IGF2BP3: variants seen among roughly 807,000 people sequenced by gnomAD.
The protein encoded by IGF2BP3 is insulin like growth factor 2 mRNA binding protein 3.
IGF2BP3 carries 9 observed loss-of-function variants against 73.8 expected under a neutral mutation model. The ratio of observed to expected loss-of-function variants is 0.12; its 90% CI spans 0.07 to 0.21. IGF2BP3 has a LOEUF of 0.21. Among genes scored for constraint, IGF2BP3 ranks in the 10% least tolerant of loss-of-function variants. The probability of loss-of-function intolerance (pLI) is 1.00; values close to 1 mark genes in which losing one functional copy is unlikely to be tolerated. For synonymous variants in IGF2BP3, 258 were observed against 256.7 expected (o/e 1.01, Z -0.05); for missense variants, 542 against 714.0 (o/e 0.76, Z 2.75).
At position 23,321,837 on chromosome 7, in the gene IGF2BP3, C is replaced by T. The variant is rs539360853; in HGVS notation, c.1204-2583G>A. On this transcript the variant is annotated intron_variant, in intron 10 of 14. Coordinates refer to ENST00000258729, the MANE Select transcript of IGF2BP3 (RefSeq NM_006547.3). ...CACTGACACCTCACAGGGCCGGGTA[C>T]TCCAACAGACCTGCAGCTGAGGGTC... 2.3e-3 allele frequency among the ~76,000 whole-genome samples: 355 copies of T among 152,282 alleles called. 1 individual carries two copies. Among genetic ancestry groups the T allele is most frequent in the East Asian group, 0.011 (57 of 5,184 alleles).
chr7:23,328,658 C>A (rs1303911438), intron 10 of IGF2BP3, among the ~76,000 whole-genome samples: 1 of 152,136 alleles, frequency 6.6e-6, no homozygotes, highest in Non-Finnish European at 1.5e-5. Context: ...AATGTGCTAA[C>A]AAATCTGAAA....
chr7:23,411,399 T>C (rs942750943), intron 3 of IGF2BP3, among the ~76,000 whole-genome samples: 1 of 152,118 alleles, frequency 6.6e-6, no homozygotes, highest in Non-Finnish European at 1.5e-5. Flanking sequence ...CTGGTCAACA[T>C]GGTGAAACCC....
intron 3 of IGF2BP3, among the ~76,000 whole-genome samples, chr7:23,380,265 G>A (rs534082939): frequency 1.5e-4 from 22 of 144,870 alleles, no homozygotes; most frequent in African/African-American, 4.8e-4. Flanking sequence ...CCGGGTTCAC[G>A]CCATTCTCCT....
rs748744367 is a variant in IGF2BP3, at chr7:23,313,591, C to T, written c.1458G>A (p.Val486=). ...EENFVSPKEE[V]KLEAHIRVPS... is the part of the protein sequence containing the mutation. ...GCACTCTGATATGAGCTTCAAGTTT[C>T]ACCTCTTCTTTAGGACTAACAAAGT... The change falls in exon 13 of 15, where the codon GTG becomes GTA. Residue 486 remains valine (V), a synonymous_variant. Coordinates refer to ENST00000258729, the MANE Select transcript of IGF2BP3 (RefSeq NM_006547.3). The T allele has an allele frequency of 6.2e-7, 1 of 1,613,928 alleles. No homozygotes were observed. Among genetic ancestry groups the T allele is most frequent in the Non-Finnish European group, 8.5e-7 (1 of 1,180,000 alleles).
chr7:23,345,821 G>T, intron 8 of IGF2BP3, 119 bp downstream of exon 8: 1 of 1,165,058 alleles, frequency 8.6e-7, no homozygotes, highest in South Asian at 1.5e-5. Flanking sequence ...GAAACCATGT[G>T]TAAGTACGGC....
At chr7:23,466,996 C>G (rs1215644470) in intron 2 of IGF2BP3, among the ~76,000 whole-genome samples, 1 of 152,082 alleles carries the variant, frequency 6.6e-6, no homozygotes, top group Non-Finnish European at 1.5e-5. Flanking sequence ...TTTTTCCTAA[C>G]CAATTCAGGC....
At chr7:23,348,780 G>A (rs1478847470) in intron 6 of IGF2BP3, among the ~76,000 whole-genome samples, 1 of 152,182 alleles carries the variant, frequency 6.6e-6, no homozygotes, top group Non-Finnish European at 1.5e-5. Context: ...ATGATCATTT[G>A]TAGTTGAGAA....
intron 2 of IGF2BP3, among the ~76,000 whole-genome samples, chr7:23,442,998 T>C (rs1048157782): frequency 2.6e-5 from 4 of 152,104 alleles, no homozygotes; most frequent in Non-Finnish European, 5.9e-5. Context: ...TATACTGTTA[T>C]TAAACTTATT....
intron 2 of IGF2BP3, among the ~76,000 whole-genome samples, chr7:23,449,006 C>T (rs1056467210): frequency 3.9e-5 from 6 of 152,094 alleles, no homozygotes; most frequent in Non-Finnish European, 7.4e-5. Context: ...GGATTACAAG[C>T]GTGAGACATC....
chr7:23,418,160 C>T (rs1324793117), intron 3 of IGF2BP3, among the ~76,000 whole-genome samples: 3 of 152,108 alleles, frequency 2.0e-5, no homozygotes, highest in Non-Finnish European at 4.4e-5. Context: ...TTTCTCTGCA[C>T]CACCCTCTCC....
At chr7:23,453,854 CTGT>C (rs1788256026) in intron 2 of IGF2BP3, among the ~76,000 whole-genome samples, 1 of 152,066 alleles carries the variant, frequency 6.6e-6, no homozygotes, top group Admixed American at 6.6e-5. Context: ...GTTTGTTTTG[CTGT>C]TGTTGTTCTT....
At chr7:23,330,978 T>C (rs1156901998) in intron 10 of IGF2BP3, among the ~76,000 whole-genome samples, 1 of 151,332 alleles carries the variant, frequency 6.6e-6, no homozygotes, top group Non-Finnish European at 1.5e-5. Context: ...TTGTATTTTT[T>C]AGTAGAGATG....
chr7:23,371,196 C>G (rs1404977074), intron 3 of IGF2BP3, among the ~76,000 whole-genome samples: 2 of 151,910 alleles, frequency 1.3e-5, no homozygotes, highest in African/African-American at 4.8e-5. Context: ...AGCACCAAAG[C>G]CAATGTCAGT....
At chr7:23,443,097 C>T (rs966797411) in intron 2 of IGF2BP3, among the ~76,000 whole-genome samples, 1 of 142,784 alleles carries the variant, frequency 7.0e-6, no homozygotes, top group Non-Finnish European at 1.5e-5. Flanking sequence ...TTAAACATTA[C>T]AGTGATTTTT....
intron 2 of IGF2BP3, among the ~76,000 whole-genome samples, chr7:23,425,987 C>T (rs905175072): frequency 8.6e-5 from 13 of 150,594 alleles, no homozygotes; most frequent in Non-Finnish European, 1.8e-4. Flanking sequence ...ACAAAAAAAC[C>T]CTGACTTTTA....
chr7:23,376,404 G>A (rs1456084612), intron 3 of IGF2BP3, among the ~76,000 whole-genome samples: 2 of 151,278 alleles, frequency 1.3e-5, no homozygotes, highest in Non-Finnish European at 2.9e-5. Flanking sequence ...GCATGGTGGC[G>A]GGCACCTGTA....
At chr7:23,375,849 T>C (rs1324116031) in intron 3 of IGF2BP3, among the ~76,000 whole-genome samples, 2 of 152,198 alleles carry the variant, frequency 1.3e-5, no homozygotes, top group South Asian at 2.1e-4. Flanking sequence ...ATAGGAATGT[T>C]TCCTACAAGA....
intron 3 of IGF2BP3, among the ~76,000 whole-genome samples, chr7:23,367,828 C>G (rs1785424614): frequency 6.6e-6 from 1 of 152,004 alleles, no homozygotes; most frequent in Non-Finnish European, 1.5e-5. Flanking sequence ...TGGTGAAACC[C>G]CATCTCTACT....
chr7:23,336,204 T>TA (rs1784568751), intron 10 of IGF2BP3, among the ~76,000 whole-genome samples: 1 of 152,150 alleles, frequency 6.6e-6, no homozygotes, highest in East Asian at 1.9e-4. Context: ...AAAAAATTAT[T>TA]TGAAACATTT....
Sources: gnomAD v4.1 joint callset for allele counts (sites outside exome capture counted in the v4.1 genomes callset) on GRCh38, gnomAD v4.1.1 for gene constraint, MANE v1.5 for transcripts, NCBI Gene and HGNC (gene_info 2026-07-23, HGNC 2026-07-21) for gene names.